SGCZ: variants seen among roughly 807,000 people sequenced by gnomAD.
The protein encoded by SGCZ is sarcoglycan zeta, also known as zeta-sarcoglycan.
A neutral mutation model predicts 41.3 loss-of-function variants in SGCZ; 40 were observed. The observed-to-expected ratio is 0.97, with a 90% CI of 0.75 to 1.26. SGCZ has a LOEUF of 1.26. Among genes scored for constraint, SGCZ ranks in the 50% most tolerant of loss-of-function variants. SGCZ has a pLI of 0.00. For missense variants in SGCZ, 552 were observed against 369.8 expected (o/e 1.49, Z -4.04); for synonymous variants, 206 against 137.5 (o/e 1.50, Z -3.49).
intron 2 of SGCZ, among the ~76,000 whole-genome samples, chr8:14,414,255 G>T (rs929487623): frequency 6.6e-6 from 1 of 151,604 alleles, no homozygotes; most frequent in Non-Finnish European, 1.5e-5. Flanking sequence ...GCAAAAATTG[G>T]TTTTATATTC....
At chr8:14,244,153 TC>T (rs1798992867) in intron 3 of SGCZ, among the ~76,000 whole-genome samples, 1 of 776 alleles carries the variant, frequency 1.3e-3, no homozygotes, top group Non-Finnish European at 2.5e-3. Context: ...TTCTTCCTCC[TC>T]CTCTTCCTTC....
At chr8:14,270,536 T>C (rs139120279) in intron 3 of SGCZ, among the ~76,000 whole-genome samples, 2 of 152,046 alleles carry the variant, frequency 1.3e-5, no homozygotes, top group Non-Finnish European at 2.9e-5. Context: ...TATAAAACAA[T>C]ATTTCCAATT....
intron 1 of SGCZ, among the ~76,000 whole-genome samples, chr8:14,606,073 T>C (rs1206582821): frequency 6.6e-6 from 1 of 152,104 alleles, no homozygotes; most frequent in East Asian, 1.9e-4. Flanking sequence ...CTTTAAAATA[T>C]AACACTAATA....
chr8:14,964,980 A>C (rs1801085884), intron 1 of SGCZ, among the ~76,000 whole-genome samples: 1 of 152,002 alleles, frequency 6.6e-6, no homozygotes, highest in African/African-American at 2.4e-5. Flanking sequence ...CAGACCATTT[A>C]CCTTTTACCC....
chr8:14,506,090 C>A (rs904093936), intron 2 of SGCZ, among the ~76,000 whole-genome samples: 1 of 151,998 alleles, frequency 6.6e-6, no homozygotes, highest in African/African-American at 2.4e-5. Flanking sequence ...ATAATCCCAG[C>A]ACTTTGGGAG....
chr8:14,859,389 T>C (rs1803646343), intron 1 of SGCZ, among the ~76,000 whole-genome samples: 1 of 151,856 alleles, frequency 6.6e-6, no homozygotes, highest in Non-Finnish European at 1.5e-5. Context: ...GTCATTGAAG[T>C]GTCATAAAGA....
chr8:15,072,185 A>G (rs1339694624), intron 1 of SGCZ, among the ~76,000 whole-genome samples: 1 of 152,156 alleles, frequency 6.6e-6, no homozygotes, highest in Non-Finnish European at 1.5e-5. Context: ...TCTCGTCCCC[A>G]GTAAAGGAAG....
intron 1 of SGCZ, among the ~76,000 whole-genome samples, chr8:14,907,556 C>G (rs1226563761): frequency 6.6e-6 from 1 of 151,998 alleles, no homozygotes; most frequent in Non-Finnish European, 1.5e-5. Context: ...ACTAACTATT[C>G]TTAATAAAGA....
intron 1 of SGCZ, among the ~76,000 whole-genome samples, chr8:14,845,656 T>C (rs1050039460): frequency 6.6e-6 from 1 of 152,136 alleles, no homozygotes; most frequent in Admixed American, 6.5e-5. Context: ...GATGCCCAAA[T>C]TGAACTTTCA....
chr8:14,300,622 G>C (rs1231162303), intron 3 of SGCZ, among the ~76,000 whole-genome samples: 1 of 151,956 alleles, frequency 6.6e-6, no homozygotes, highest in Non-Finnish European at 1.5e-5. Context: ...ACTTGGGAGT[G>C]CCTCACAATA....
At chr8:14,831,194 C>T (rs1475366857) in intron 1 of SGCZ, among the ~76,000 whole-genome samples, 1 of 152,076 alleles carries the variant, frequency 6.6e-6, no homozygotes, top group Non-Finnish European at 1.5e-5. Flanking sequence ...TTATAGAGTA[C>T]ACAGGTCAAA....
chr8:14,396,812 A>G (rs1169407970), intron 2 of SGCZ, among the ~76,000 whole-genome samples: 1 of 152,090 alleles, frequency 6.6e-6, no homozygotes. Context: ...TCCTATGCCC[A>G]GGTTAAGTCA....
chr8:14,616,445 T>A (rs759700084), intron 1 of SGCZ, among the ~76,000 whole-genome samples: 15 of 152,168 alleles, frequency 9.9e-5, no homozygotes, highest in Non-Finnish European at 1.0e-4. Context: ...TTTTTGTATT[T>A]TTACTAGTAG....
chr8:14,527,034 G>A (rs774604337), intron 2 of SGCZ, among the ~76,000 whole-genome samples: 3 of 151,000 alleles, frequency 2.0e-5, no homozygotes, highest in Admixed American at 6.6e-5. Flanking sequence ...GAGACATCTC[G>A]TCAATGCCTT....
At chr8:14,653,501 T>G (rs567699870) in intron 1 of SGCZ, among the ~76,000 whole-genome samples, 1 of 152,282 alleles carries the variant, frequency 6.6e-6, no homozygotes, top group African/African-American at 2.4e-5. Context: ...TATTATTCAG[T>G]AGCGCTGCAT....
At chr8:14,827,823 T>C (rs983698464) in intron 1 of SGCZ, among the ~76,000 whole-genome samples, 2 of 152,046 alleles carry the variant, frequency 1.3e-5, no homozygotes, top group Admixed American at 1.3e-4. Context: ...CGGATACACA[T>C]ATACATAAAC....
intron 1 of SGCZ, among the ~76,000 whole-genome samples, chr8:14,744,371 C>A (rs1799284167): frequency 1.3e-5 from 2 of 152,156 alleles, no homozygotes; most frequent in South Asian, 4.1e-4. Flanking sequence ...CATTCCAAAG[C>A]TTTTCCCTTG....
chr8:14,142,997 A>AT (rs1261732476), intron 5 of SGCZ, among the ~76,000 whole-genome samples: 1 of 126,986 alleles, frequency 7.9e-6, no homozygotes, highest in Admixed American at 8.2e-5. Context: ...TTCTTTATAA[A>AT]TTAAAAAAAA....
At chr8:14,584,859 T>A (rs1805009168) in intron 1 of SGCZ, among the ~76,000 whole-genome samples, 1 of 152,214 alleles carries the variant, frequency 6.6e-6, no homozygotes, top group East Asian at 1.9e-4. Context: ...GTACTATTAT[T>A]CCCAATTTTG....
Sources: gnomAD v4.1 joint callset for allele counts (sites outside exome capture counted in the v4.1 genomes callset) on GRCh38, gnomAD v4.1.1 for gene constraint, MANE v1.5 for transcripts, NCBI Gene and HGNC (gene_info 2026-07-23, HGNC 2026-07-21) for gene names.